Variants in APIP observed in about 807,000 individuals in gnomAD.
APIP encodes methylthioribulose-1-phosphate dehydratase.
Under a neutral mutation model 32.0 loss-of-function variants are expected in APIP, and 32 were observed. The ratio of observed to expected loss-of-function variants is 1.00; its 90% CI spans 0.76 to 1.34. APIP has a LOEUF of 1.34. APIP is among the 40% of genes most tolerant of loss of function. The pLI is 0.00. For missense variants in APIP, 247 were observed against 298.6 expected (o/e 0.83, Z 1.27); for synonymous variants, 92 against 94.8 (o/e 0.97, Z 0.17).
Position 34,888,863 on chromosome 11 carries a change from C to T in APIP, c.214G>A (p.Asp72Asn), listed in dbSNP as rs1438509596. Residue 72 changes from aspartate (D) to asparagine (N), a missense_variant, in exon 4 of 7, where the codon GAC (aspartate) becomes AAC (asparagine). Transcript: ENST00000395787. The part of the protein sequence containing the change: ...GVQKERIQPE[D>N]MFVCDINEKD... ...TCATTTATATCACAAACAAACATGT[C>T]TTCAGGCTATTTATAGAGGGGAAAA... 5 of 1,475,630 alleles carry T rather than the reference C, an allele frequency of 3.4e-6. No homozygotes were observed. The highest frequency in any genetic ancestry group is 4.5e-6 in the Non-Finnish European group (5 of 1,120,012). The allele number at this position is 1,475,630 out of a possible 1,614,324, so 91.4% of individuals were successfully genotyped here.
intron 5 of APIP, among the ~76,000 whole-genome samples, chr11:34,885,400 C>A (rs1026725627): frequency 9.2e-5 from 14 of 151,794 alleles, no homozygotes; most frequent in African/African-American, 3.4e-4. Context: ...CTCCATTATA[C>A]CTGCACAGAC....
At chr11:34,888,575 G>A (rs1162453970) in intron 4 of APIP, 147 bp from the exon 5 acceptor site, 15 of 1,280,392 alleles carry the variant, frequency 1.2e-5, no homozygotes, top group East Asian at 2.6e-5. Context: ...TAGGCAGGAG[G>A]GTAAGTGGAA....
At chr11:34,905,563 TA>T (rs1191816858) in intron 1 of APIP, among the ~76,000 whole-genome samples, 1 of 152,202 alleles carries the variant, frequency 6.6e-6, no homozygotes, top group Non-Finnish European at 1.5e-5. Context: ...CTCTCTGCTT[TA>T]AAAGCAGCGA....
At chr11:34,888,484 A>C in intron 4 of APIP, 56 bp from the exon 5 acceptor site, 1 of 1,575,224 alleles carries the variant, frequency 6.3e-7, no homozygotes, top group Non-Finnish European at 8.6e-7. Flanking sequence ...ATAGCTTTTA[A>C]AGAAAAAAAG....
At chr11:34,914,860 T>C (rs1360176053) in intron 1 of APIP, among the ~76,000 whole-genome samples, 2 of 151,766 alleles carry the variant, frequency 1.3e-5, no homozygotes, top group Non-Finnish European at 2.9e-5. Context: ...AAAAATTAAC[T>C]GGGTGTGGTG....
Position 34,882,679 on chromosome 11 carries a change from T to G in APIP, c.*38A>C, listed in dbSNP as rs1565130820. The stretch of plus-strand genomic sequence containing the variant: ...CTTTCATTTAAATAATAATTACGTT[T>G]AGCTTTATCTCTGTATATAATTAGA... On this transcript the variant is annotated 3_prime_UTR_variant, in exon 7 of 7. Coordinates refer to ENST00000395787, the MANE Select transcript of APIP (RefSeq NM_015957.4). 1 of 1,391,110 alleles carries G rather than the reference T, an allele frequency of 7.2e-7. No individual in the cohort carries two copies. Among genetic ancestry groups the G allele is most frequent in the Non-Finnish European group, 9.9e-7 (1 of 1,007,630 alleles). 86.2% of individuals were successfully genotyped at this position (1,391,110 alleles called of 1,614,324 possible).
chr11:34,913,694 G>T (rs1406434931), intron 1 of APIP, among the ~76,000 whole-genome samples: 2 of 152,226 alleles, frequency 1.3e-5, no homozygotes, highest in East Asian at 3.8e-4. Context: ...GAGGGGGGTT[G>T]CCGCTGCTGG....
chr11:34,886,286 T>C (rs906409196), intron 5 of APIP, among the ~76,000 whole-genome samples: 2 of 151,898 alleles, frequency 1.3e-5, no homozygotes, highest in African/African-American at 4.8e-5. Context: ...GGCTAATATA[T>C]GTGTTTGTGT....
chr11:34,897,952 T>C (rs1853305492), intron 1 of APIP, among the ~76,000 whole-genome samples: 2 of 152,064 alleles, frequency 1.3e-5, no homozygotes, highest in African/African-American at 4.8e-5. Flanking sequence ...GGGTTTTCTC[T>C]CTCTGCTTGG....
intron 1 of APIP, among the ~76,000 whole-genome samples, chr11:34,914,268 T>C (rs1457983717): frequency 6.6e-6 from 1 of 152,196 alleles, no homozygotes; most frequent in Non-Finnish European, 1.5e-5. Flanking sequence ...TACAGCATGT[T>C]CTAGGGGAGA....
intron 1 of APIP, among the ~76,000 whole-genome samples, chr11:34,900,891 A>G (rs7102259): frequency 0.19 from 28,398 of 151,974 alleles, 3,860 homozygotes; most frequent in African/African-American, 0.38. Context: ...CCAAAGACCA[A>G]ACGAGAATCC....
intron 2 of APIP, 35 bp downstream of exon 2, chr11:34,894,973 GGA>G: frequency 6.5e-7 from 1 of 1,547,622 alleles, no homozygotes; most frequent in East Asian, 2.2e-5. Context: ...CTACTCAAAT[GGA>G]GAGTTCCCAG....
chr11:34,890,537 A>G lies in APIP; in HGVS notation c.174T>C (p.Ile58=), dbSNP rs754078856. ...GTTCCTTTTGCACTCCTGAAGGAGC[A>G]ATGTAGATTTCATCGCTGGCAACAC... ...ISLKHGDEIY[I]APSGVQKERI... Residue 58 remains isoleucine, a synonymous_variant, in exon 3 of 7, where the codon ATT becomes ATC. Transcript: ENST00000395787. 6.2e-7 allele frequency: 1 copy of G among 1,610,206 alleles called. No individual in the cohort carries two copies. Among genetic ancestry groups the G allele is most frequent in the Non-Finnish European group, 8.5e-7 (1 of 1,177,928 alleles).
intron 1 of APIP, among the ~76,000 whole-genome samples, chr11:34,903,799 G>A (rs1283827865): frequency 1.3e-5 from 2 of 152,140 alleles, no homozygotes; most frequent in African/African-American, 2.4e-5. Context: ...TTTGTCTCGA[G>A]GGTATACCTT....
intron 5 of APIP, among the ~76,000 whole-genome samples, chr11:34,886,142 G>A (rs549336832): frequency 1.4e-4 from 22 of 152,110 alleles, no homozygotes; most frequent in Non-Finnish European, 2.4e-4. Context: ...GAGGTATTCC[G>A]GAAGAAGGCA....
intron 3 of APIP, among the ~76,000 whole-genome samples, chr11:34,890,177 G>C (rs140355803): frequency 3.2e-4 from 49 of 152,212 alleles, no homozygotes; most frequent in African/African-American, 1.1e-3. Context: ...TGGTTCATCT[G>C]AGACCATCAA....
rs546676572 is a variant in APIP, at chr11:34,895,109, T to C, written c.59A>G (p.Asp20Gly). Residue 20 changes from aspartate to glycine, a missense_variant and splice_region_variant, in exon 2 of 7, where the codon GAC becomes GGC. Asp to Gly is a moderately conservative substitution (Grantham distance 94). Transcript: ENST00000395787. The part of the protein sequence containing the change: ...DCCSRRCGAQ[D>G]KEHPRYLIPE... ...GATCAGGTATCTTGGATGCTCCTTG[T>C]CCTTAAAAAGAAGGTAATGATTTTT... 290 of 1,612,238 alleles carry C rather than the reference T, an allele frequency of 1.8e-4. 1 individual carries two copies. The highest frequency in any genetic ancestry group is 3.4e-6 in the Non-Finnish European group (4 of 1,178,272).
At chr11:34,895,614 C>G (rs138911619) in intron 1 of APIP, among the ~76,000 whole-genome samples, 496 of 152,162 alleles carry the variant, frequency 3.3e-3, no homozygotes, top group African/African-American at 0.011. Flanking sequence ...TTTAGTTTCT[C>G]TTATTGAAAA....
At chr11:34,897,531 G>A (rs1300157386) in intron 1 of APIP, among the ~76,000 whole-genome samples, 4 of 150,838 alleles carry the variant, frequency 2.7e-5, no homozygotes, top group Admixed American at 1.3e-4. Context: ...GGTTGGTAAG[G>A]TTTTGTTTTC....
Sources: gnomAD v4.1 joint callset for allele counts (sites outside exome capture counted in the v4.1 genomes callset) on GRCh38, gnomAD v4.1.1 for gene constraint, MANE v1.5 for transcripts, NCBI Gene and HGNC (gene_info 2026-07-23, HGNC 2026-07-21) for gene names.